CTTNBP2NL: variants seen among roughly 807,000 people sequenced by gnomAD.
CTTNBP2NL encodes the protein CTTNBP2 N-terminal-like protein.
CTTNBP2NL carries 16 observed loss-of-function variants against 32.5 expected under a neutral mutation model. The ratio of observed to expected loss-of-function variants is 0.49; its 90% CI spans 0.33 to 0.75. CTTNBP2NL has a LOEUF of 0.75. Among genes scored for constraint, CTTNBP2NL ranks in the 30% least tolerant of loss-of-function variants. The pLI is 0.02. For synonymous variants in CTTNBP2NL, 298 were observed against 289.4 expected, an observed-to-expected ratio of 1.03 and a Z score of -0.30; for missense variants, 645 against 756.0, an observed-to-expected ratio of 0.85 and a Z score of 1.72.
chr1:112,431,523 T>C (rs921380579), intron 3 of CTTNBP2NL, among the ~76,000 whole-genome samples: 1 of 152,224 alleles, frequency 6.6e-6, no homozygotes, highest in Non-Finnish European at 1.5e-5. Context: ...TGAAATTGTT[T>C]TGTTAGAAAA....
chr1:112,409,043 G>C (rs1388595023), intron 1 of CTTNBP2NL, among the ~76,000 whole-genome samples: 1 of 148,714 alleles, frequency 6.7e-6, no homozygotes, highest in Non-Finnish European at 1.5e-5. Flanking sequence ...CAGGAGAATT[G>C]CTTAAACTGC....
intron 3 of CTTNBP2NL, among the ~76,000 whole-genome samples, chr1:112,425,954 G>A (rs1197839037): frequency 1.6e-5 from 2 of 126,578 alleles, no homozygotes; most frequent in African/African-American, 6.1e-5. Context: ...TAATCTGGAT[G>A]CCGTGTGTGT....
At chr1:112,407,174 G>A (rs1250429098) in intron 1 of CTTNBP2NL, among the ~76,000 whole-genome samples, 1 of 152,198 alleles carries the variant, frequency 6.6e-6, no homozygotes, top group Non-Finnish European at 1.5e-5. Flanking sequence ...ATACTGTGTT[G>A]TAGTGCTGTC....
chr1:112,398,627 C>T (rs1372915377), intron 1 of CTTNBP2NL, among the ~76,000 whole-genome samples: 1 of 151,874 alleles, frequency 6.6e-6, no homozygotes, highest in South Asian at 2.1e-4. Flanking sequence ...TCTTAAGTGA[C>T]TAAAATTTTG....
intron 2 of CTTNBP2NL, 149 bp from the exon 3 acceptor site, chr1:112,416,008 C>A: frequency 1.8e-6 from 1 of 562,716 alleles, no homozygotes; most frequent in Non-Finnish European, 3.1e-6. Flanking sequence ...TGATTAACAC[C>A]AGAAAACATA....
intron 3 of CTTNBP2NL, among the ~76,000 whole-genome samples, chr1:112,422,135 T>C (rs1649250777): frequency 6.6e-6 from 1 of 152,186 alleles, no homozygotes; most frequent in South Asian, 2.1e-4. Context: ...CTGCTCAACT[T>C]TCCCCACTAC....
intron 3 of CTTNBP2NL, among the ~76,000 whole-genome samples, chr1:112,431,161 A>C (rs2483350): frequency 0.49 from 73,810 of 152,162 alleles, 21,617 homozygotes; most frequent in South Asian, 0.7. Flanking sequence ...GGGGCTTCAG[A>C]AAAGATTACA....
rs1320580619 is a variant in CTTNBP2NL, at chr1:112,432,218, C to T, written c.99+15954C>T. 4.6e-5 allele frequency among the ~76,000 whole-genome samples: 7 copies of T among 151,598 alleles called. No homozygotes were observed. In the East Asian group the frequency reaches 5.8e-4, roughly 13 times the overall value. ...CCTCCCGAGTAGCTGGGACTACAGG[C>T]GCCCGCCACCACACCCAGCTAATTT... On this transcript the variant is annotated intron_variant, in intron 3 of 5. Transcript: ENST00000271277.
intron 1 of CTTNBP2NL, among the ~76,000 whole-genome samples, chr1:112,402,889 A>G (rs1437086751): frequency 7.2e-5 from 11 of 152,254 alleles, no homozygotes; most frequent in African/African-American, 2.4e-4. Flanking sequence ...TTGGGGGTCA[A>G]ATAACTTCTC....
intron 3 of CTTNBP2NL, among the ~76,000 whole-genome samples, chr1:112,423,108 G>A (rs1327543072): frequency 6.6e-6 from 1 of 151,972 alleles, no homozygotes; most frequent in East Asian, 1.9e-4. Flanking sequence ...GTTTTCTTTG[G>A]TGCATGCAGT....
intron 1 of CTTNBP2NL, among the ~76,000 whole-genome samples, chr1:112,399,309 ACT>A (rs1230882632): frequency 4.3e-5 from 5 of 116,588 alleles, no homozygotes; most frequent in East Asian, 5.2e-4. Context: ...ACAAAGCGAG[ACT>A]CTGTCTCAAA....
rs991932869 is a variant in CTTNBP2NL at position 112,458,796 on chromosome 1, A to AC, written c.*1388dup. The stretch of plus-strand genomic sequence containing the variant: ...AGACCAGCCTCATCAACATAGTGAG[A>AC]CCCCATCTCTATTAAAAAAATAAAT... On this transcript the variant is annotated 3_prime_UTR_variant, in exon 6 of 6. Transcript: ENST00000271277. The AC allele has an allele frequency of 6.6e-6, 1 of 152,150 alleles. No homozygotes were observed. Among genetic ancestry groups the AC allele is most frequent in the African/African-American group, 2.4e-5 (1 of 41,442 alleles). 9.4% of individuals were successfully genotyped at this position (152,150 alleles called of 1,614,324 possible). A position where few individuals can be genotyped will look rare whatever the true frequency, so the allele number is the denominator to read the frequency against.
chr1:112,410,768 G>A (rs570547142), intron 1 of CTTNBP2NL, among the ~76,000 whole-genome samples: 151 of 152,066 alleles, frequency 9.9e-4, no homozygotes, highest in African/African-American at 3.5e-3. Flanking sequence ...TTACTTAGAA[G>A]ATAAGTAGGG....
intron 3 of CTTNBP2NL, among the ~76,000 whole-genome samples, chr1:112,432,369 G>GCTGTAT (rs1649593391): frequency 6.6e-6 from 1 of 151,804 alleles, no homozygotes; most frequent in African/African-American, 2.4e-5. Context: ...CCTATAGTTT[G>GCTGTAT]AATTTTTATG....
intron 2 of CTTNBP2NL, among the ~76,000 whole-genome samples, chr1:112,412,618 T>C (rs1648906976): frequency 7.1e-6 from 1 of 140,602 alleles, no homozygotes; most frequent in Non-Finnish European, 1.5e-5. Context: ...CTTTTTTTTT[T>C]TTTTTTTTTT....
chr1:112,447,770 G>T (rs1650097795), intron 3 of CTTNBP2NL, among the ~76,000 whole-genome samples: 1 of 152,058 alleles, frequency 6.6e-6, no homozygotes, highest in Non-Finnish European at 1.5e-5. Context: ...GCAGTGCTAA[G>T]AAAACATGAC....
At chr1:112,394,483 CT>C, upstream of CTTNBP2NL, among the ~76,000 whole-genome samples, 1 of 152,286 alleles carries the variant, frequency 6.6e-6, no homozygotes, top group Non-Finnish European at 1.5e-5. Context: ...TATTGAGTAC[CT>C]ACTCTGTGCC....
Position 112,456,228 on chromosome 1 carries a change from A to G in CTTNBP2NL, c.736A>G (p.Arg246Gly), listed in dbSNP as rs1468436373. ...EKQLSEFDIE[R>G]EQLRAKLNRE... Reference sequence around the variant, plus strand: ...GCAGTTATCAGAGTTTGACATCGAAAGGGAACAACTGAGAGCAAAACTGAA... The same window carrying G: ...GCAGTTATCAGAGTTTGACATCGAAGGGGAACAACTGAGAGCAAAACTGAA... Residue 246 changes from arginine (R) to glycine (G), a missense_variant, in exon 6 of 6, where the codon AGG (arginine) becomes GGG (glycine). Transcript: ENST00000271277. The G allele has an allele frequency of 6.2e-7, 1 of 1,614,044 alleles. No homozygotes were observed. Among genetic ancestry groups the G allele is most frequent in the Non-Finnish European group, 8.5e-7 (1 of 1,180,048 alleles).
In CTTNBP2NL at chr1:112,456,209, A is replaced by T. The variant is rs377257989; in HGVS notation, c.717A>T (p.Leu239Phe). The T allele has an allele frequency of 5.7e-5, 92 of 1,614,064 alleles. No homozygotes were observed. Among genetic ancestry groups the T allele is most frequent in the Non-Finnish European group, 7.5e-5 (89 of 1,180,044 alleles). The change falls in exon 6 of 6, where the codon TTA becomes TTT. Residue 239 changes from leucine (L) to phenylalanine (F), a missense_variant. By Grantham distance (22) the Leu-to-Phe change is conservative. Transcript: ENST00000271277. Reference sequence around the variant, plus strand: ...CTGAGGCCCAGGTAGAGAAGCAGTTATCAGAGTTTGACATCGAAAGGGAAC... The same window carrying T: ...CTGAGGCCCAGGTAGAGAAGCAGTTTTCAGAGTTTGACATCGAAAGGGAAC... Reference protein sequence around the residue: ...LQTEAQVEKQLSEFDIEREQL... With the variant: ...LQTEAQVEKQFSEFDIEREQL...
Sources: gnomAD v4.1 joint callset for allele counts (sites outside exome capture counted in the v4.1 genomes callset) on GRCh38, gnomAD v4.1.1 for gene constraint, MANE v1.5 for transcripts, NCBI Gene and HGNC (gene_info 2026-07-23, HGNC 2026-07-21) for gene names.